Variants in MMP14 observed in about 807,000 individuals in gnomAD.
The protein encoded by MMP14 is matrix metalloproteinase-14.
Under a neutral mutation model 64.8 loss-of-function variants are expected in MMP14, and 13 were observed. The ratio of observed to expected loss-of-function variants is 0.20; its 90% confidence interval spans 0.13 to 0.32. The LOEUF (loss-of-function observed/expected upper bound fraction) is 0.32, where lower values mean the gene tolerates loss of function less well. MMP14 is among the 10% of genes least tolerant of loss of function. The probability of loss-of-function intolerance (pLI) is 1.00; values close to 1 mark genes in which losing one functional copy is unlikely to be tolerated. For missense variants in MMP14, 594 were observed against 783.8 expected, an observed-to-expected ratio of 0.76 and a Z score of 2.89; for synonymous variants, 322 against 315.9, an observed-to-expected ratio of 1.02 and a Z score of -0.20.
intron 2 of MMP14, 43 bp from the exon 3 acceptor site, chr14:22,841,870 T>C (rs761968127): frequency 6.2e-7 from 1 of 1,612,420 alleles, no homozygotes; most frequent in South Asian, 1.1e-5. Flanking sequence ...TTCTCTTTCA[T>C]ACACTGCACT....
At position 22,844,444 on chromosome 14, in the gene MMP14, G is replaced by A. The variant is rs535348638; in HGVS notation, c.1085G>A (p.Arg362Gln). 59 of 1,614,126 alleles carry A rather than the reference G, an allele frequency of 3.7e-5. No homozygotes were observed. The highest frequency in any genetic ancestry group is 1.6e-4 in the Middle Eastern group (1 of 6,062). Residue 362 changes from arginine (R) to glutamine (Q), a missense_variant, in exon 7 of 10, where the codon CGG (arginine) becomes CAG (glutamine). Around this residue, in one of 4 missense-constraint regions of MMP14, gnomAD observed 364 missense variants for 425.2 expected, o/e 0.86. Transcript: ENST00000311852. ...CCAATGCCCATTGGCCAGTTCTGGC[G>A]GGGCCTGCCTGCGTCCATCAACACT... Reference protein sequence around the residue: ...GYPMPIGQFWRGLPASINTAY... With the variant: ...GYPMPIGQFWQGLPASINTAY...
At position 22,843,034 on chromosome 14, in the gene MMP14, T is replaced by A. The variant is rs570203948; in HGVS notation, c.689-223T>A. On this transcript the variant is annotated intron_variant, in intron 4 of 9. Transcript: ENST00000311852. The surrounding 1 kb of genome is among the most constrained non-coding windows in gnomAD (Gnocchi z 4.8). Reference sequence around the variant, plus strand: ...TCCCTTACCACAGGTCTTCCCGGGATCGGGGTCCTGCTTCCAAGCACTCTC... The same window carrying A: ...TCCCTTACCACAGGTCTTCCCGGGAACGGGGTCCTGCTTCCAAGCACTCTC... Among the ~76,000 whole-genome samples the A allele has an allele frequency of 1.8e-4, 28 of 152,246 alleles. 1 individual carries two copies. Among genetic ancestry groups the A allele is most frequent in the African/African-American group, 6.5e-4 (27 of 41,554 alleles).
chr14:22,842,371 T>G lies in MMP14; in HGVS notation c.381-39T>G. 1.3e-6 allele frequency: 2 copies of G among 1,581,166 alleles called. No individual in the cohort carries two copies. Among genetic ancestry groups the G allele is most frequent in the Non-Finnish European group, 1.7e-6 (2 of 1,161,814 alleles). On this transcript the variant is annotated intron_variant, in intron 3 of 9. Coordinates refer to ENST00000311852, the MANE Select transcript of MMP14 (RefSeq NM_004995.4). This position sits in a 1 kb window ranked among gnomAD's most constrained non-coding sequence, Gnocchi z 5.3. ...AGGAGAATGTTGCCCCTCTTTATCC[T>G]AACACACCCCATCCTCTCCCCACGT...
intron 1 of MMP14, among the ~76,000 whole-genome samples, chr14:22,839,850 A>C (rs2039760548): frequency 2.0e-5 from 3 of 150,844 alleles, no homozygotes; most frequent in Non-Finnish European, 4.4e-5. Context: ...CGCTTCCTGA[A>C]CTCCCTAAGA....
Position 22,841,471 on chromosome 14 carries a change from C to T in MMP14, c.109-20C>T. ...ATGGGCCAGGTGGGGACACTCTAAGCCATACCCCTTTCCCTACAGGCCTGG... is the reference window on the plus strand; with the variant it reads ...ATGGGCCAGGTGGGGACACTCTAAGTCATACCCCTTTCCCTACAGGCCTGG... On this transcript the variant is annotated intron_variant, in intron 1 of 9. Transcript: ENST00000311852. 1 of 1,612,084 alleles carries T rather than the reference C, an allele frequency of 6.2e-7. No homozygotes were observed. The highest frequency in any genetic ancestry group is 1.1e-5 in the South Asian group (1 of 91,040).
At position 22,846,104 on chromosome 14, in the gene MMP14, G is replaced by A. The variant is rs2039811760; in HGVS notation, c.*65G>A. The A allele has an allele frequency of 7.2e-7, 1 of 1,386,468 alleles. No homozygotes were observed. Among genetic ancestry groups the A allele is most frequent in the East Asian group, 2.5e-5 (1 of 39,646 alleles). The allele number at this position is 1,386,468 out of a possible 1,614,324, so 85.9% of individuals were successfully genotyped here. A position where few individuals can be genotyped will look rare whatever the true frequency, so the allele number is the denominator to read the frequency against. The stretch of plus-strand genomic sequence containing the variant: ...TGCCTCTGAAGGCCAGTGGCAGCAG[G>A]TGGTGGTGGGTGGGCTGTTCCCATC... On this transcript the variant is annotated 3_prime_UTR_variant, in exon 10 of 10. Transcript: ENST00000311852.
At chr14:22,845,195 C>A in intron 8 of MMP14, 56 bp from the exon 9 acceptor site, 1 of 1,335,450 alleles carries the variant, frequency 7.5e-7, no homozygotes, top group Admixed American at 1.8e-5. Context: ...CCGGGTCTTG[C>A]GCCTCCTGAG....
chr14:22,844,389 G>C lies in MMP14; in HGVS notation c.1030G>C (p.Val344Leu). Residue 344 changes from valine to leucine, a missense_variant, in exon 7 of 10, where the codon GTG becomes CTG. Coordinates refer to ENST00000311852, the MANE Select transcript of MMP14 (RefSeq NM_004995.4). Reference protein sequence around the residue: ...FVFKERWFWRVRNNQVMDGYP... With the variant: ...FVFKERWFWRLRNNQVMDGYP... Reference sequence around the variant, plus strand: ...CTTCCAGGAGCGCTGGTTCTGGCGGGTGAGGAATAACCAAGTGATGGATGG... The same window carrying C: ...CTTCCAGGAGCGCTGGTTCTGGCGGCTGAGGAATAACCAAGTGATGGATGG... 6.2e-7 allele frequency: 1 copy of C among 1,614,148 alleles called. No homozygotes were observed. Among genetic ancestry groups the C allele is most frequent in the Non-Finnish European group, 8.5e-7 (1 of 1,179,998 alleles).
rs1310062218 is a variant in MMP14 at position 22,846,043 on chromosome 14, C to T, written c.*4C>T. On this transcript the variant is annotated 3_prime_UTR_variant, in exon 10 of 10. Transcript: ENST00000311852. ...TTCCCTGCTGGACAAGGTCTGACGC[C>T]CACCGCCGGCCCGCCCACTCCTACC... 20 of 1,464,478 alleles carry T rather than the reference C, an allele frequency of 1.4e-5. No individual in the cohort carries two copies. Among genetic ancestry groups the T allele is most frequent in the Admixed American group, 2.6e-5 (1 of 38,808 alleles). 90.7% of individuals were successfully genotyped at this position (1,464,478 alleles called of 1,614,324 possible). A position where few individuals can be genotyped will look rare whatever the true frequency, so the allele number is the denominator to read the frequency against.
At position 22,846,176 on chromosome 14, in the gene MMP14, G is replaced by A. The variant is rs1455441576; in HGVS notation, c.*137G>A. 3 of 871,540 alleles carry A rather than the reference G, an allele frequency of 3.4e-6. No individual in the cohort carries two copies. In the African/African-American group the frequency reaches 5.1e-5, roughly 15 times the overall value. 54.0% of individuals were successfully genotyped at this position (871,540 alleles called of 1,614,324 possible). A position where few individuals can be genotyped will look rare whatever the true frequency, so the allele number is the denominator to read the frequency against. ...GCCTCCTTGCTTCTCTCTGTCCCCT[G>A]GCTGGCCTCCTTCACCCTGACCGCC... On this transcript the variant is annotated 3_prime_UTR_variant, in exon 10 of 10. Transcript: ENST00000311852.
In MMP14 at chr14:22,841,758, G is replaced by A. The variant is rs543989041; in HGVS notation, c.257+119G>A. Reference sequence around the variant, plus strand: ...CCACTCCCCCATATCTCATCCCCACGTGCTGATCCTGACCCTCTCATATTC... The same window carrying A: ...CCACTCCCCCATATCTCATCCCCACATGCTGATCCTGACCCTCTCATATTC... On this transcript the variant is annotated intron_variant, in intron 2 of 9. Transcript: ENST00000311852. The A allele has an allele frequency of 4.1e-5, 63 of 1,547,030 alleles. No homozygotes were observed. The East Asian group carries it at 4.5e-4, about 11-fold the overall frequency.
Position 22,842,084 on chromosome 14 carries a change from T to C in MMP14, c.380+49T>C, listed in dbSNP as rs780409073. ...TTTCTCACATCTGGTTATTATTTCC[T>C]ACCCATTGTGCTTATGCAGGGACTC... On this transcript the variant is annotated intron_variant, in intron 3 of 9. Transcript: ENST00000311852. The surrounding 1 kb of genome is among the most constrained non-coding windows in gnomAD (Gnocchi z 5.3). 2 of 1,611,350 alleles carry C rather than the reference T, an allele frequency of 1.2e-6. No individual in the cohort carries two copies. The highest frequency in any genetic ancestry group is 1.7e-6 in the Non-Finnish European group (2 of 1,178,034).
chr14:22,845,463 C>A, intron 9 of MMP14, 97 bp downstream of exon 9: 1 of 1,008,520 alleles, frequency 9.9e-7, no homozygotes, highest in Non-Finnish European at 1.5e-6. Context: ...GTGTGGAAAA[C>A]AACGGCGATG....
intron 6 of MMP14, 112 bp from the exon 7 acceptor site, chr14:22,844,259 G>A (rs2039795664): frequency 6.7e-7 from 1 of 1,482,782 alleles, no homozygotes; most frequent in Non-Finnish European, 9.2e-7. Flanking sequence ...GACAACAGCT[G>A]GACTAAAAAC....
rs534227654 is a variant in MMP14, at chr14:22,842,901, G to C, written c.688+184G>C. Reference sequence around the variant, plus strand: ...CATCTGGTCCCCCCTCTCACCCACTGACTGGCTTTCCAGTCAAAGACTTCA... The same window carrying C: ...CATCTGGTCCCCCCTCTCACCCACTCACTGGCTTTCCAGTCAAAGACTTCA... On this transcript the variant is annotated intron_variant, in intron 4 of 9. Transcript: ENST00000311852. The surrounding 1 kb of genome is among the most constrained non-coding windows in gnomAD (Gnocchi z 5.3). Among the ~76,000 whole-genome samples, 6 of 152,180 alleles carry C rather than the reference G, an allele frequency of 3.9e-5. No individual in the cohort carries two copies. In the South Asian group the frequency reaches 1.2e-3, roughly 32 times the overall value.
chr14:22,845,926 G>GTGC lies in MMP14; in HGVS notation c.1647_1649dup (p.Leu551dup), dbSNP rs749292783. On this transcript the variant is annotated inframe_insertion, in exon 10 of 10. Transcript: ENST00000311852. ...GAGCGCGGCTGCCGTGGTGCTGCCC[G>GTGC]TGCTGCTGCTGCTCCTGGTGCTGGC... 6 of 1,604,482 alleles carry GTGC rather than the reference G, an allele frequency of 3.7e-6. No individual in the cohort carries two copies. The highest frequency in any genetic ancestry group is 1.7e-5 in the Admixed American group (1 of 58,042).
intron 1 of MMP14, chr14:22,837,380 A>T (rs1026260320): frequency 2.2e-6 from 1 of 455,426 alleles, no homozygotes; most frequent in African/African-American, 2.0e-5. Context: ...GCGCCCTCCG[A>T]TGGGCGCTTC....
At chr14:22,838,034 CTT>C (rs2039747454) in intron 1 of MMP14, among the ~76,000 whole-genome samples, 1 of 152,212 alleles carries the variant, frequency 6.6e-6, no homozygotes, top group Admixed American at 6.5e-5. Flanking sequence ...GGAGAAAACT[CTT>C]TGGAAAGAAT....
chr14:22,836,867 C>T lies in MMP14; in HGVS notation c.50C>T (p.Thr17Met), dbSNP rs587777039. The T allele has an allele frequency of 1.2e-6, 2 of 1,613,728 alleles. No individual in the cohort carries two copies. The highest frequency in any genetic ancestry group is 1.1e-5 in the South Asian group (1 of 91,054). The change falls in exon 1 of 10, where the codon ACG (threonine) becomes ATG (methionine). Residue 17 changes from threonine (T) to methionine (M), a missense_variant. Around this residue, in one of 4 missense-constraint regions of MMP14, gnomAD observed 45 missense variants for 48.8 expected, o/e 0.92. Transcript: ENST00000311852. ...CGTTGTCTCCTGCTCCCCCTGCTCA[C>T]GCTCGGCACCGCGCTCGCCTCCCTC... is the stretch of plus-strand genomic sequence containing the variant. Reference protein sequence around the residue: ...PPRCLLLPLLTLGTALASLGS... With the variant: ...PPRCLLLPLLMLGTALASLGS...
Sources: gnomAD v4.1 joint callset for allele counts (sites outside exome capture counted in the v4.1 genomes callset) on GRCh38, gnomAD v4.1.1 for gene constraint, gnomAD v4.1.1 regional missense constraint, Gnocchi (gnomAD v3.1) non-coding constraint, MANE v1.5 for transcripts, NCBI Gene and HGNC (gene_info 2026-07-23, HGNC 2026-07-21) for gene names.